The following DLG2 variants were observed in gnomAD, a reference collection of about 807,000 sequenced individuals.
DLG2 encodes the protein disks large homolog 2.
DLG2 carries 45 observed loss-of-function variants against 132.5 expected under a neutral mutation model. The ratio of observed to expected loss-of-function variants is 0.34; its 90% CI spans 0.27 to 0.44. The LOEUF (loss-of-function observed/expected upper bound fraction) is 0.44. Among genes scored for constraint, DLG2 ranks in the 20% least tolerant of loss-of-function variants. The pLI, the probability that DLG2 is intolerant of heterozygous loss-of-function variation, is 1.00. For synonymous variants in DLG2, 424 were observed against 419.6 expected (o/e 1.01, Z -0.13); for missense variants, 1,045 against 1,196.9 (o/e 0.87, Z 1.87).
At chr11:83,471,892 AAC>A (rs2092080503) in intron 23 of DLG2, among the ~76,000 whole-genome samples, 165 bp from the exon 24 acceptor site, 1 of 152,166 alleles carries the variant, frequency 6.6e-6, no homozygotes, top group Non-Finnish European at 1.5e-5. Context: ...ATTGATGTTT[AAC>A]ACTCAGGAGA....
At chr11:85,022,743 T>C (rs570288167) in intron 6 of DLG2, among the ~76,000 whole-genome samples, 9 of 152,244 alleles carry the variant, frequency 5.9e-5, no homozygotes, top group South Asian at 4.1e-4. Flanking sequence ...GAGGAAAACT[T>C]GATATGTACC....
intron 6 of DLG2, among the ~76,000 whole-genome samples, chr11:85,067,761 A>G (rs144058364): frequency 0.035 from 5,333 of 152,162 alleles, 115 homozygotes; most frequent in East Asian, 0.091. Context: ...AAATTATTCC[A>G]ATCAATAGAA....
intron 17 of DLG2, among the ~76,000 whole-genome samples, chr11:83,810,748 C>T (rs2047050698): frequency 6.6e-6 from 1 of 152,046 alleles, no homozygotes; most frequent in Non-Finnish European, 1.5e-5. Context: ...TTTGTTTACT[C>T]ATTTATTCTA....
At chr11:83,986,291 T>C (rs1042210688) in intron 11 of DLG2, among the ~76,000 whole-genome samples, 1 of 150,770 alleles carries the variant, frequency 6.6e-6, no homozygotes, top group Non-Finnish European at 1.5e-5. Context: ...TTCCCACCTA[T>C]GAGTGAGAAT....
intron 3 of DLG2, among the ~76,000 whole-genome samples, chr11:85,468,492 A>G (rs1256875960): frequency 6.6e-6 from 1 of 152,228 alleles, no homozygotes; most frequent in Non-Finnish European, 1.5e-5. Flanking sequence ...AATGTGTCCC[A>G]GAGATTCCGG....
chr11:85,606,188 C>G (rs1025837239), intron 2 of DLG2, among the ~76,000 whole-genome samples: 5 of 152,062 alleles, frequency 3.3e-5, no homozygotes, highest in Admixed American at 6.6e-5. Flanking sequence ...TTAAAACAAG[C>G]AATAACAATT....
At chr11:85,015,987 T>C (rs2059545971) in intron 6 of DLG2, among the ~76,000 whole-genome samples, 1 of 152,034 alleles carries the variant, frequency 6.6e-6, no homozygotes, top group South Asian at 2.1e-4. Context: ...AAAAAGTCAA[T>C]ATTTGAAAAC....
At chr11:85,353,888 A>T (rs1385775643) in intron 3 of DLG2, among the ~76,000 whole-genome samples, 1 of 152,050 alleles carries the variant, frequency 6.6e-6, no homozygotes. Flanking sequence ...ACCTAACGTA[A>T]ATGATGAGTT....
chr11:84,184,521 G>A (rs1359625423), intron 8 of DLG2, among the ~76,000 whole-genome samples: 1 of 151,218 alleles, frequency 6.6e-6, no homozygotes, highest in Non-Finnish European at 1.5e-5. Context: ...TCTGTAGGTT[G>A]CCTGTTCACT....
chr11:84,104,892 A>G (rs1020158906), intron 9 of DLG2, among the ~76,000 whole-genome samples: 1 of 152,136 alleles, frequency 6.6e-6, no homozygotes, highest in Non-Finnish European at 1.5e-5. Context: ...ACAATTTCCT[A>G]TGTGGTAGAT....
intron 5 of DLG2, among the ~76,000 whole-genome samples, chr11:85,122,108 T>C (rs1016185354): frequency 6.6e-6 from 1 of 152,298 alleles, no homozygotes. Flanking sequence ...AGTACCATGG[T>C]AAGTGATCAG....
intron 7 of DLG2, among the ~76,000 whole-genome samples, chr11:84,365,447 C>T (rs561127915): frequency 6.6e-6 from 1 of 151,926 alleles, no homozygotes; most frequent in South Asian, 2.1e-4. Context: ...TTTTGTTGAT[C>T]TTTTCAAAAA....
intron 7 of DLG2, among the ~76,000 whole-genome samples, chr11:84,435,724 C>G (rs1210353049): frequency 2.6e-5 from 4 of 152,178 alleles, no homozygotes; most frequent in Admixed American, 6.5e-5. Context: ...AAGCCCCTTA[C>G]TAGCTCCTTA....
At chr11:84,756,427 C>T (rs915531722) in intron 6 of DLG2, among the ~76,000 whole-genome samples, 1 of 152,164 alleles carries the variant, frequency 6.6e-6, no homozygotes, top group Non-Finnish European at 1.5e-5. Context: ...AAGCTATTGA[C>T]TATGTTTATA....
At chr11:85,575,767 C>A (rs963734689) in intron 3 of DLG2, among the ~76,000 whole-genome samples, 1 of 152,104 alleles carries the variant, frequency 6.6e-6, no homozygotes, top group Non-Finnish European at 1.5e-5. Flanking sequence ...AACTCTTCTT[C>A]TACTTTATGG....
At chr11:84,963,392 G>T (rs2052868393) in intron 6 of DLG2, among the ~76,000 whole-genome samples, 1 of 152,172 alleles carries the variant, frequency 6.6e-6, no homozygotes, top group African/African-American at 2.4e-5. Flanking sequence ...AGAGAGAGCT[G>T]CAAGGGAACA....
chr11:85,101,744 C>T (rs1461197129), intron 6 of DLG2, among the ~76,000 whole-genome samples: 2 of 152,030 alleles, frequency 1.3e-5, no homozygotes, highest in African/African-American at 4.8e-5. Context: ...TGTCACGAAA[C>T]CATCTCTGGG....
At chr11:83,841,435 T>A (rs894479171) in intron 16 of DLG2, among the ~76,000 whole-genome samples, 1 of 152,202 alleles carries the variant, frequency 6.6e-6, no homozygotes, top group Non-Finnish European at 1.5e-5. Context: ...GGGATTGTAA[T>A]CTTCTAGAAA....
At chr11:84,789,674 T>A (rs907880609) in intron 6 of DLG2, among the ~76,000 whole-genome samples, 2 of 152,110 alleles carry the variant, frequency 1.3e-5, no homozygotes, top group Non-Finnish European at 2.9e-5. Context: ...AACTTTTCTA[T>A]TTTTTCTATT....
Sources: allele counts gnomAD v4.1 joint callset (sites outside exome capture counted in the v4.1 genomes callset), GRCh38; gene constraint gnomAD v4.1.1; transcripts MANE v1.5; gene names NCBI Gene and HGNC (gene_info 2026-07-23, HGNC 2026-07-21).